Variants in GRB2 observed in about 807,000 individuals in gnomAD.
The protein encoded by GRB2 is growth factor receptor bound protein 2.
Under a neutral mutation model 27.4 loss-of-function variants are expected in GRB2, and 2 were observed. The observed-to-expected ratio is 0.07, with a 90% CI of 0.03 to 0.23. GRB2 has a LOEUF of 0.23. GRB2 is among the 10% of genes least tolerant of loss of function. The pLI is 1.00. For synonymous variants in GRB2, 94 were observed against 99.6 expected (o/e 0.94, Z 0.33); for missense variants, 102 against 282.4 (o/e 0.36, Z 4.58).
chr17:75,392,083 A>G (rs1225949757), intron 2 of GRB2, among the ~76,000 whole-genome samples: 1 of 152,188 alleles, frequency 6.6e-6, no homozygotes, highest in Non-Finnish European at 1.5e-5. Context: ...TTATCTACAG[A>G]AAACAGTAAT....
chr17:75,378,065 T>C (rs141084500), intron 2 of GRB2, among the ~76,000 whole-genome samples: 367 of 152,096 alleles, frequency 2.4e-3, no homozygotes, highest in African/African-American at 8.0e-3. Flanking sequence ...TCTGCCTCAA[T>C]AGTCTTAGTT....
At chr17:75,368,504 T>C (rs546308844) in intron 2 of GRB2, among the ~76,000 whole-genome samples, 7 of 152,002 alleles carry the variant, frequency 4.6e-5, no homozygotes, top group Non-Finnish European at 8.8e-5. Context: ...ATTATAGGCG[T>C]GACCCACTGC....
intron 2 of GRB2, among the ~76,000 whole-genome samples, chr17:75,376,445 C>A (rs1008549510): frequency 6.9e-6 from 1 of 145,476 alleles, no homozygotes; most frequent in Non-Finnish European, 1.5e-5. Context: ...CTCTTGAATG[C>A]GGGAGGTGGA....
intron 1 of GRB2, among the ~76,000 whole-genome samples, chr17:75,396,111 T>C (rs1363059414): frequency 6.6e-6 from 1 of 152,208 alleles, no homozygotes; most frequent in Non-Finnish European, 1.5e-5. Flanking sequence ...GTGCTGGGAT[T>C]ACAGGCATCG....
chr17:75,379,818 G>A (rs558908724), intron 2 of GRB2, among the ~76,000 whole-genome samples: 9 of 152,164 alleles, frequency 5.9e-5, no homozygotes, highest in Non-Finnish European at 1.2e-4. Context: ...ATAGAATTTT[G>A]ACTGGAGCTA....
At chr17:75,370,345 G>C (rs189144228) in intron 2 of GRB2, among the ~76,000 whole-genome samples, 13 of 152,310 alleles carry the variant, frequency 8.5e-5, no homozygotes, top group Admixed American at 7.8e-4. Flanking sequence ...CTGTCCGCAT[G>C]AATTTCAATA....
intron 2 of GRB2, among the ~76,000 whole-genome samples, chr17:75,378,796 C>T (rs1453312094): frequency 6.6e-6 from 1 of 152,130 alleles, no homozygotes; most frequent in African/African-American, 2.4e-5. Flanking sequence ...AAGGCTTGTA[C>T]GGTCTACCAG....
At chr17:75,337,860 C>A (rs2078588678) in intron 2 of GRB2, among the ~76,000 whole-genome samples, 1 of 102,810 alleles carries the variant, frequency 9.7e-6, no homozygotes, top group South Asian at 3.0e-4. Flanking sequence ...GCCACTGCGC[C>A]CGGCCTACTA....
intron 2 of GRB2, among the ~76,000 whole-genome samples, chr17:75,390,502 A>G (rs1165713546): frequency 1.3e-5 from 2 of 152,184 alleles, no homozygotes; most frequent in Non-Finnish European, 2.9e-5. Flanking sequence ...TGGAAGGGCA[A>G]TTCCTTCTAT....
At chr17:75,402,923 C>T (rs1308527624) in intron 1 of GRB2, among the ~76,000 whole-genome samples, 2 of 150,878 alleles carry the variant, frequency 1.3e-5, no homozygotes, top group African/African-American at 4.9e-5. Flanking sequence ...TAAAAATACA[C>T]AATTAGCCAG....
At position 75,320,552 on chromosome 17, in the gene GRB2, T is replaced by C; in HGVS notation, c.470A>G (p.Gln157Arg). 6.2e-7 allele frequency: 1 copy of C among 1,610,894 alleles called. No individual in the cohort carries two copies. ...FLRDIEQVPQ[Q>R]PTYVQALFDF... ...AAAGAGGGCCTGGACGTATGTCGGC[T>C]GCTGCAAAACAGGAGCAGGAAAAAC... Residue 157 changes from glutamine to arginine, a missense_variant and splice_region_variant, in exon 6 of 6, where the codon CAG becomes CGG. Gln to Arg is a conservative substitution (Grantham distance 43). Coordinates refer to ENST00000316804, the MANE Select transcript of GRB2 (RefSeq NM_002086.5). The surrounding 1 kb of genome is among the most constrained non-coding windows in gnomAD (Gnocchi z 4.3).
intron 2 of GRB2, among the ~76,000 whole-genome samples, chr17:75,343,062 A>AAAAAAAAAT (rs2078631828): frequency 6.6e-6 from 1 of 150,588 alleles, no homozygotes. Context: ...AAAAAAAAAA[A>AAAAAAAAAT]AGGTATAAGA....
intron 2 of GRB2, among the ~76,000 whole-genome samples, chr17:75,348,687 G>C (rs1483631884): frequency 6.6e-6 from 1 of 152,096 alleles, no homozygotes; most frequent in East Asian, 1.9e-4. Flanking sequence ...TTACTTTTCA[G>C]TTTTAGAGAC....
intron 2 of GRB2, among the ~76,000 whole-genome samples, chr17:75,348,197 A>G (rs1272590371): frequency 1.3e-5 from 2 of 152,118 alleles, no homozygotes; most frequent in African/African-American, 4.8e-5. Flanking sequence ...GATGCCAGCC[A>G]CTACAGCTGG....
At chr17:75,336,392 CAAAG>C (rs1044610795) in intron 2 of GRB2, among the ~76,000 whole-genome samples, 8 of 152,114 alleles carry the variant, frequency 5.3e-5, no homozygotes, top group African/African-American at 1.9e-4. Context: ...GTCAGACTGA[CAAAG>C]AGCTGCTTGT....
intron 2 of GRB2, among the ~76,000 whole-genome samples, chr17:75,369,227 T>G (rs905844628): frequency 6.6e-6 from 1 of 152,204 alleles, no homozygotes; most frequent in African/African-American, 2.4e-5. Flanking sequence ...ATTTAATAAT[T>G]AATGATTATC....
intron 2 of GRB2, among the ~76,000 whole-genome samples, chr17:75,386,474 T>C (rs1476925176): frequency 6.6e-6 from 1 of 152,146 alleles, no homozygotes; most frequent in Non-Finnish European, 1.5e-5. Flanking sequence ...TGATACCTAT[T>C]ACCAAGCCAC....
chr17:75,394,826 T>C (rs188373059), intron 1 of GRB2: 1 of 152,338 alleles, frequency 6.6e-6, no homozygotes, highest in Admixed American at 6.5e-5. Context: ...TAAAAGATTC[T>C]GTGAGAACCC....
intron 1 of GRB2, chr17:75,394,133 G>T: frequency 6.4e-6 from 1 of 156,376 alleles, no homozygotes. Flanking sequence ...CTGAAAGGAA[G>T]GCCTCACCCT....
Sources: gnomAD v4.1 joint callset for allele counts (sites outside exome capture counted in the v4.1 genomes callset) on GRCh38, gnomAD v4.1.1 for gene constraint, Gnocchi (gnomAD v3.1) non-coding constraint, MANE v1.5 for transcripts, NCBI Gene and HGNC (gene_info 2026-07-23, HGNC 2026-07-21) for gene names.